FMN2: variants seen among roughly 807,000 people sequenced by gnomAD.
The protein encoded by FMN2 is formin 2, also known as formin-2.
A neutral mutation model predicts 142.3 loss-of-function variants in FMN2; 51 were observed. The observed-to-expected ratio is 0.36, with a 90% CI of 0.29 to 0.45. The LOEUF (loss-of-function observed/expected upper bound fraction) is 0.45, where lower values mean the gene tolerates loss of function less well. Among genes scored for constraint, FMN2 ranks in the 20% least tolerant of loss-of-function variants. The pLI is 1.00. For synonymous variants in FMN2, 882 were observed against 869.8 expected (o/e 1.01, Z -0.25); for missense variants, 1,936 against 2,122.8 (o/e 0.91, Z 1.73).
At chr1:240,194,414 A>G (rs1432054757) in intron 4 of FMN2, among the ~76,000 whole-genome samples, 2 of 152,238 alleles carry the variant, frequency 1.3e-5, no homozygotes, top group Non-Finnish European at 2.9e-5. Context: ...CTATTGCGCT[A>G]GGGAAGAGTC....
At chr1:240,446,515 T>A (rs1436586126) in intron 16 of FMN2, among the ~76,000 whole-genome samples, 2 of 152,226 alleles carry the variant, frequency 1.3e-5, no homozygotes, top group Non-Finnish European at 2.9e-5. Context: ...GATCAAAATA[T>A]ACTTCCTGGA....
At chr1:240,148,273 TAGACAG>T (rs1466247049) in intron 2 of FMN2, among the ~76,000 whole-genome samples, 105 of 110,580 alleles carry the variant, frequency 9.5e-4, no homozygotes, top group African/African-American at 3.0e-3. Flanking sequence ...GAGACAGAGA[TAGACAG>T]AGACAGAGAC....
At chr1:240,377,653 C>T (rs565860299) in intron 14 of FMN2, among the ~76,000 whole-genome samples, 2 of 152,122 alleles carry the variant, frequency 1.3e-5, no homozygotes, top group East Asian at 3.9e-4. Context: ...TGTGATGTAT[C>T]ACTCTGTCGC....
intron 16 of FMN2, among the ~76,000 whole-genome samples, chr1:240,460,595 G>A (rs1190014364): frequency 6.6e-6 from 1 of 151,602 alleles, no homozygotes; most frequent in South Asian, 2.1e-4. Flanking sequence ...GAAAAGACTC[G>A]AACGATTGTA....
intron 7 of FMN2, among the ~76,000 whole-genome samples, chr1:240,293,549 T>A (rs531349522): frequency 3.3e-4 from 51 of 152,276 alleles, no homozygotes; most frequent in Non-Finnish European, 5.3e-4. Flanking sequence ...TAATCCTTTT[T>A]AATTAATTTT....
chr1:240,099,687 CTT>C (rs1661346554), intron 1 of FMN2, among the ~76,000 whole-genome samples: 1 of 152,200 alleles, frequency 6.6e-6, no homozygotes, highest in Admixed American at 6.5e-5. Context: ...TGATTCGTCT[CTT>C]TTGCTTTAGC....
chr1:240,129,110 G>A (rs934194145), intron 2 of FMN2, among the ~76,000 whole-genome samples: 18 of 152,034 alleles, frequency 1.2e-4, no homozygotes, highest in African/African-American at 4.3e-4. Context: ...CTGACCTCAG[G>A]TGATCCACCT....
chr1:240,350,171 C>G (rs951817490), intron 13 of FMN2, among the ~76,000 whole-genome samples: 1 of 152,118 alleles, frequency 6.6e-6, no homozygotes, highest in Non-Finnish European at 1.5e-5. Context: ...AACTCTAGAA[C>G]GTGACATTCT....
intron 1 of FMN2, among the ~76,000 whole-genome samples, chr1:240,118,101 A>G (rs1470385122): frequency 2.6e-5 from 4 of 152,124 alleles, no homozygotes; most frequent in Non-Finnish European, 5.9e-5. Context: ...AGTGTGTTTG[A>G]GGAGGAGAAG....
At chr1:240,184,278 C>T (rs543194306) in intron 3 of FMN2, among the ~76,000 whole-genome samples, 3 of 126,820 alleles carry the variant, frequency 2.4e-5, no homozygotes, top group Admixed American at 8.5e-5. Flanking sequence ...GCTCTGTCGC[C>T]CAGGCTGGAG....
At chr1:240,203,946 C>T (rs1307138894) in intron 4 of FMN2, among the ~76,000 whole-genome samples, 2 of 151,942 alleles carry the variant, frequency 1.3e-5, no homozygotes, top group East Asian at 1.9e-4. Flanking sequence ...ATTACAAATA[C>T]TTTAGTCTTT....
intron 6 of FMN2, among the ~76,000 whole-genome samples, chr1:240,229,034 G>T (rs779558124): frequency 6.6e-6 from 1 of 151,842 alleles, no homozygotes; most frequent in Admixed American, 6.6e-5. Flanking sequence ...GGATTCTGGT[G>T]ACTTTCGGAC....
intron 16 of FMN2, among the ~76,000 whole-genome samples, chr1:240,468,462 T>G (rs543430654): frequency 1.3e-5 from 2 of 152,304 alleles, no homozygotes; most frequent in South Asian, 4.1e-4. Context: ...TTGACCATCT[T>G]CAGCCCCGCT....
intron 2 of FMN2, among the ~76,000 whole-genome samples, chr1:240,169,487 A>G (rs1476805186): frequency 6.6e-6 from 1 of 152,050 alleles, no homozygotes; most frequent in Non-Finnish European, 1.5e-5. Flanking sequence ...TGTTTTTGAG[A>G]CGGTTTCACT....
Position 240,472,467 on chromosome 1 carries a change from AT to A in FMN2, c.5142+19del, listed in dbSNP as rs778368802. The A allele has an allele frequency of 3.6e-4, 557 of 1,529,716 alleles. No individual in the cohort carries two copies. Among genetic ancestry groups the A allele is most frequent in the Non-Finnish European group, 4.7e-4 (528 of 1,118,516 alleles). The allele number at this position is 1,529,716 out of a possible 1,614,324, so 94.8% of individuals were successfully genotyped here. ...GACTCTGGAATTGTAAGTATTACTGATTTTTAACTTGTTATTTTCTTTGGCT... is the reference window on the plus strand; with the variant it reads ...GACTCTGGAATTGTAAGTATTACTGATTTTAACTTGTTATTTTCTTTGGCT... On this transcript the variant is annotated intron_variant, in intron 17 of 17. Coordinates refer to ENST00000319653, the MANE Select transcript of FMN2 (RefSeq NM_020066.5).
intron 7 of FMN2, among the ~76,000 whole-genome samples, chr1:240,290,425 C>T (rs1442071309): frequency 2.0e-5 from 3 of 152,104 alleles, no homozygotes; most frequent in African/African-American, 7.2e-5. Flanking sequence ...AATGTTTAGT[C>T]CTGAACCTAG....
At chr1:240,423,894 AAT>A (rs1279245249) in intron 15 of FMN2, among the ~76,000 whole-genome samples, 4 of 152,202 alleles carry the variant, frequency 2.6e-5, no homozygotes, top group African/African-American at 9.6e-5. Context: ...TGGCATTCAC[AAT>A]AGAGGGAGAG....
intron 15 of FMN2, among the ~76,000 whole-genome samples, chr1:240,396,089 T>C: frequency 6.6e-6 from 1 of 152,204 alleles, no homozygotes; most frequent in East Asian, 1.9e-4. Flanking sequence ...ACTCAGATAA[T>C]TGTTAACACT....
chr1:240,451,558 A>G (rs1248217293), intron 16 of FMN2, among the ~76,000 whole-genome samples: 1 of 152,014 alleles, frequency 6.6e-6, no homozygotes, highest in African/African-American at 2.4e-5. Context: ...CCAGGAGGAA[A>G]TGCCAGCAAG....
Sources: gnomAD v4.1 joint callset for allele counts (sites outside exome capture counted in the v4.1 genomes callset) on GRCh38, gnomAD v4.1.1 for gene constraint, MANE v1.5 for transcripts, NCBI Gene and HGNC (gene_info 2026-07-23, HGNC 2026-07-21) for gene names.